Variants in C5orf22 observed in about 807,000 individuals in gnomAD.
C5orf22 encodes the protein chromosome 5 open reading frame 22.
C5orf22 carries 36 observed loss-of-function variants against 48.7 expected under a neutral mutation model. That is an observed-to-expected ratio of 0.74 (90% CI 0.57 to 0.98). The LOEUF (loss-of-function observed/expected upper bound fraction) is 0.98. Ranked by LOEUF, C5orf22 falls within the 50% of genes least tolerant of loss-of-function variation. The probability of loss-of-function intolerance (pLI) is 0.00; values close to 1 mark genes in which losing one functional copy is unlikely to be tolerated. For missense variants in C5orf22, 486 were observed against 521.9 expected (o/e 0.93, Z 0.67); for synonymous variants, 141 against 180.8 (o/e 0.78, Z 1.76).
intron 6 of C5orf22, among the ~76,000 whole-genome samples, chr5:31,544,015 C>T (rs984105282): frequency 3.3e-5 from 5 of 152,176 alleles, no homozygotes; most frequent in Non-Finnish European, 7.3e-5. Flanking sequence ...CCCAAACCAA[C>T]CATGACCCTA....
rs771921916 is a variant in C5orf22, at chr5:31,552,875, G to A, written c.1302G>A (p.Val434=). 3.1e-6 allele frequency: 5 copies of A among 1,613,704 alleles called. No individual in the cohort carries two copies. Among genetic ancestry groups the A allele is most frequent in the African/African-American group, 1.3e-5 (1 of 74,920 alleles). Residue 434 remains valine, a synonymous_variant, in exon 9 of 9, where the codon GTG becomes GTA. Transcript: ENST00000325366. ...TCTATGGAAATCTAGACCTCCAAGT[G>A]TATGCAGCAGAGTCTCCTCCATCTT... ...RALYGNLDLQ[V]YAAESPPS
chr5:31,553,157 T>TGG lies in C5orf22; in HGVS notation c.*255_*256insGG. 1 of 282,956 alleles carries TGG rather than the reference T, an allele frequency of 3.5e-6. No individual in the cohort carries two copies. Among genetic ancestry groups the TGG allele is most frequent in the Non-Finnish European group, 6.7e-6 (1 of 149,702 alleles). 17.5% of individuals were successfully genotyped at this position (282,956 alleles called of 1,614,324 possible). On this transcript the variant is annotated 3_prime_UTR_variant, in exon 9 of 9. Transcript: ENST00000325366. ...TTAAGTATTTTTTAGGGTTTTGTTT[T>TGG]TTTTTTTGTTTGTTTGTTTGTTTGT...
chr5:31,552,621 G>A (rs958202494), intron 8 of C5orf22, 152 bp from the exon 9 acceptor site: 23 of 601,700 alleles, frequency 3.8e-5, no homozygotes, highest in Non-Finnish European at 5.4e-5. Flanking sequence ...ACTAACATGG[G>A]GTAAACCTTC....
intron 7 of C5orf22, 100 bp from the exon 8 acceptor site, chr5:31,551,193 A>T (rs1743235483): frequency 1.7e-6 from 2 of 1,143,064 alleles, no homozygotes. Flanking sequence ...TCTTTTATGT[A>T]TCAATAAAAG....
Position 31,538,315 on chromosome 5 carries a change from C to A in C5orf22, c.433C>A (p.Gln145Lys). The A allele has an allele frequency of 2.5e-6, 4 of 1,613,798 alleles. No homozygotes were observed. The highest frequency in any genetic ancestry group is 3.4e-6 in the Non-Finnish European group (4 of 1,179,866). Residue 145 changes from glutamine to lysine, a missense_variant, in exon 4 of 9, where the codon CAG (glutamine) becomes AAG (lysine). Physicochemically the swap from Gln to Lys is moderately conservative, Grantham distance 53 (BLOSUM62 1). Coordinates refer to ENST00000325366, the MANE Select transcript of C5orf22 (RefSeq NM_018356.3). ...TGATGGTCTGTATGTACCTGAAGACCAGCTAGAGAACCAAAAACCTTTACA... is the reference window on the plus strand; with the variant it reads ...TGATGGTCTGTATGTACCTGAAGACAAGCTAGAGAACCAAAAACCTTTACA... ...LSDGLYVPED[Q>K]LENQKPLQLD...
chr5:31,540,991 C>A lies in C5orf22; in HGVS notation c.850C>A (p.Pro284Thr). 1 of 1,612,052 alleles carries A rather than the reference C, an allele frequency of 6.2e-7. No individual in the cohort carries two copies. The stretch of plus-strand genomic sequence containing the variant: ...ACAAGAGCTGTACCAATTTAAGAAA[C>A]CTGGCACCAACCTAACAGAGGTATC... The part of the protein sequence containing the change: ...ILQELYQFKK[P>T]GTNLTEEDLV... The change falls in exon 5 of 9, where the codon CCT (proline) becomes ACT (threonine). Residue 284 changes from proline to threonine, a missense_variant. Physicochemically the swap from Pro to Thr is conservative, Grantham distance 38. Transcript: ENST00000325366.
rs1742034220 is a variant in C5orf22 at position 31,535,821 on chromosome 5, C to T, written c.305C>T (p.Thr102Ile). The T allele has an allele frequency of 7.4e-6, 12 of 1,613,472 alleles. No homozygotes were observed. The highest frequency in any genetic ancestry group is 9.3e-6 in the Non-Finnish European group (11 of 1,179,604). The stretch of plus-strand genomic sequence containing the variant: ...TCACATGTAATATGGTTTCATCCCA[C>T]ATGGGCTCAGCAGATCAGAGAGGGC... The part of the protein sequence containing the change: ...HFSHVIWFHP[T>I]WAQQIREGRH... Residue 102 changes from threonine to isoleucine, a missense_variant, in exon 3 of 9, where the codon ACA (threonine) becomes ATA (isoleucine). Transcript: ENST00000325366.
chr5:31,536,656 T>C (rs773784489), intron 3 of C5orf22, among the ~76,000 whole-genome samples: 1 of 152,254 alleles, frequency 6.6e-6, no homozygotes, highest in East Asian at 1.9e-4. Context: ...CTTTATAATA[T>C]AATTAGTTTC....
intron 7 of C5orf22, among the ~76,000 whole-genome samples, chr5:31,548,913 G>A (rs922097965): frequency 6.6e-6 from 1 of 152,142 alleles, no homozygotes; most frequent in African/African-American, 2.4e-5. Flanking sequence ...AGCGAGACTT[G>A]TGTTTTTAAA....
At chr5:31,543,258 T>C (rs920851434) in intron 6 of C5orf22, among the ~76,000 whole-genome samples, 2 of 152,226 alleles carry the variant, frequency 1.3e-5, no homozygotes, top group Non-Finnish European at 1.5e-5. Flanking sequence ...TCAGTAAGTA[T>C]TGATTAGGCA....
chr5:31,552,568 T>C (rs1390740457), intron 8 of C5orf22, among the ~76,000 whole-genome samples: 1 of 152,222 alleles, frequency 6.6e-6, no homozygotes, highest in Non-Finnish European at 1.5e-5. Flanking sequence ...GCCTATTTCA[T>C]AGAGTTGCTG....
At chr5:31,535,122 C>A in intron 2 of C5orf22, 1 of 391,480 alleles carries the variant, frequency 2.6e-6, no homozygotes. Flanking sequence ...TTTGATAGTG[C>A]GCCAAAACTT....
In C5orf22 at chr5:31,548,052, A is replaced by T. The variant is rs543391630; in HGVS notation, c.1059+2340A>T. On this transcript the variant is annotated intron_variant, in intron 7 of 8. Coordinates refer to ENST00000325366, the MANE Select transcript of C5orf22 (RefSeq NM_018356.3). Reference sequence around the variant, plus strand: ...CACAGTGGTTCACGCCTATAATCCCAGCACTTTGGGAGGCCAAGGCTGGCG... The same window carrying T: ...CACAGTGGTTCACGCCTATAATCCCTGCACTTTGGGAGGCCAAGGCTGGCG... 3.3e-5 allele frequency among the ~76,000 whole-genome samples: 5 copies of T among 152,330 alleles called. No homozygotes were observed. The South Asian group carries it at 6.2e-4, about 19-fold the overall frequency.
chr5:31,554,970 C>T lies in C5orf22; in HGVS notation c.*2068C>T, dbSNP rs1004785190. On this transcript the variant is annotated 3_prime_UTR_variant, in exon 9 of 9. Coordinates refer to ENST00000325366, the MANE Select transcript of C5orf22 (RefSeq NM_018356.3). ...ATGTGTTTCATTTGTGTTCTGAGTA[C>T]CAGTGAGGGGATACCGTGGTACAGT... 2.0e-5 allele frequency: 3 copies of T among 152,076 alleles called. No individual in the cohort carries two copies. Among genetic ancestry groups the T allele is most frequent in the African/African-American group, 7.2e-5 (3 of 41,390 alleles). 9.4% of individuals were successfully genotyped at this position (152,076 alleles called of 1,614,324 possible). A position where few individuals can be genotyped will look rare whatever the true frequency, so the allele number is the denominator to read the frequency against.
At chr5:31,544,611 A>G (rs1385067814) in intron 6 of C5orf22, among the ~76,000 whole-genome samples, 1 of 151,942 alleles carries the variant, frequency 6.6e-6, no homozygotes, top group Admixed American at 6.6e-5. Context: ...CATCAATGTT[A>G]TATCAGATGA....
At position 31,532,319 on chromosome 5, in the gene C5orf22, G is replaced by C; in HGVS notation, c.-74G>C. 3 of 1,491,386 alleles carry C rather than the reference G, an allele frequency of 2.0e-6. No individual in the cohort carries two copies. Among genetic ancestry groups the C allele is most frequent in the South Asian group, 2.3e-5 (2 of 88,378 alleles). 92.4% of individuals were successfully genotyped at this position (1,491,386 alleles called of 1,614,324 possible). On this transcript the variant is annotated 5_prime_UTR_variant, in exon 1 of 9. Coordinates refer to ENST00000325366, the MANE Select transcript of C5orf22 (RefSeq NM_018356.3). ...CGCTTCCGCCCGGAGAGAGCTGGCC[G>C]GGATGAGGCGCCGGCTTTCCCGGGT...
intron 5 of C5orf22, 69 bp downstream of exon 5, chr5:31,541,080 C>T: frequency 1.6e-6 from 2 of 1,274,384 alleles, no homozygotes; most frequent in South Asian, 2.5e-5. Flanking sequence ...TGCAAATTAC[C>T]ACAGTGATCT....
intron 4 of C5orf22, among the ~76,000 whole-genome samples, chr5:31,540,089 C>A (rs181604200): frequency 6.6e-6 from 1 of 152,196 alleles, no homozygotes; most frequent in East Asian, 1.9e-4. Context: ...GAGTTAAGTT[C>A]TGTTGTTAAC....
chr5:31,532,329 G>C lies in C5orf22; in HGVS notation c.-64G>C. The C allele has an allele frequency of 6.4e-7, 1 of 1,559,390 alleles. No individual in the cohort carries two copies. Among genetic ancestry groups the C allele is most frequent in the Non-Finnish European group, 8.8e-7 (1 of 1,131,462 alleles). ...CGGAGAGAGCTGGCCGGGATGAGGC[G>C]CCGGCTTTCCCGGGTCTTCTCCAGC... On this transcript the variant is annotated 5_prime_UTR_variant, in exon 1 of 9. Transcript: ENST00000325366.
Sources: allele counts gnomAD v4.1 joint callset (sites outside exome capture counted in the v4.1 genomes callset), GRCh38; gene constraint gnomAD v4.1.1; transcripts MANE v1.5; gene names NCBI Gene and HGNC (gene_info 2026-07-23, HGNC 2026-07-21).